Variants in LARS2 observed in about 807,000 individuals in gnomAD.
LARS2 encodes the protein leucine--tRNA ligase, mitochondrial.
LARS2 carries 81 observed loss-of-function variants against 116.6 expected under a neutral mutation model. The ratio of observed to expected loss-of-function variants is 0.69; its 90% CI spans 0.58 to 0.84. The LOEUF (loss-of-function observed/expected upper bound fraction) is 0.84, where lower values mean the gene tolerates loss of function less well. Ranked by LOEUF, LARS2 falls within the 40% of genes least tolerant of loss-of-function variation. The pLI is 0.00. For synonymous variants in LARS2, 396 were observed against 407.2 expected, an observed-to-expected ratio of 0.97 and a Z score of 0.33; for missense variants, 968 against 1,114.5, an observed-to-expected ratio of 0.87 and a Z score of 1.87.
At chr3:45,427,342 G>A (rs1698611682) in intron 6 of LARS2, among the ~76,000 whole-genome samples, 1 of 152,168 alleles carries the variant, frequency 6.6e-6, no homozygotes, top group Non-Finnish European at 1.5e-5. Flanking sequence ...CACCAAGAGG[G>A]CTTGTTAAAG....
chr3:45,544,508 G>A (rs750567931), intron 21 of LARS2, among the ~76,000 whole-genome samples: 1 of 152,164 alleles, frequency 6.6e-6, no homozygotes, highest in Non-Finnish European at 1.5e-5. Context: ...CAGAGTGAGC[G>A]CCGACCCAGG....
intron 7 of LARS2, among the ~76,000 whole-genome samples, chr3:45,449,104 G>T (rs1238614249): frequency 6.6e-6 from 1 of 151,964 alleles, no homozygotes; most frequent in Non-Finnish European, 1.5e-5. Context: ...AGGTGAGAGG[G>T]CAAGAGAGAG....
chr3:45,454,072 TGATGA>T (rs1699177869), intron 7 of LARS2, among the ~76,000 whole-genome samples: 1 of 151,760 alleles, frequency 6.6e-6, no homozygotes, highest in African/African-American at 2.4e-5. Context: ...GGAATGGTAA[TGATGA>T]GATGAGAGGC....
chr3:45,400,450 A>AAATTTCC (rs1251026201), intron 4 of LARS2, 77 bp downstream of exon 4: 17 of 1,417,452 alleles, frequency 1.2e-5, no homozygotes, highest in African/African-American at 1.4e-5. Flanking sequence ...TGTTCAAGAC[A>AAATTTCC]AATGAAGAAA....
At chr3:45,476,649 TC>T (rs1454043424) in intron 10 of LARS2, 22 bp downstream of exon 10, 3 of 1,613,226 alleles carry the variant, frequency 1.9e-6, no homozygotes, top group Non-Finnish European at 2.5e-6. Context: ...AGTTAACGGC[TC>T]AGGTGGTAGG....
At chr3:45,497,861 C>T (rs915386086) in intron 14 of LARS2, among the ~76,000 whole-genome samples, 10 of 151,418 alleles carry the variant, frequency 6.6e-5, no homozygotes, top group African/African-American at 2.2e-4. Context: ...GAGCTGAGCT[C>T]GTGCCACTGC....
chr3:45,505,713 CCTT>C (rs1250975862), intron 15 of LARS2, among the ~76,000 whole-genome samples: 1 of 151,834 alleles, frequency 6.6e-6, no homozygotes, highest in Non-Finnish European at 1.5e-5. Flanking sequence ...GGGAATAGCT[CCTT>C]CTTATGTAGG....
intron 2 of LARS2, among the ~76,000 whole-genome samples, chr3:45,392,437 G>A (rs1164264781): frequency 6.6e-6 from 1 of 151,516 alleles, no homozygotes; most frequent in East Asian, 1.9e-4. Context: ...TAGGATTACA[G>A]ATGCACGTCA....
intron 7 of LARS2, among the ~76,000 whole-genome samples, chr3:45,456,895 C>T (rs1197355525): frequency 6.6e-6 from 1 of 152,198 alleles, no homozygotes; most frequent in Non-Finnish European, 1.5e-5. Context: ...CCTCCCCTCA[C>T]CCCTACTTTT....
At chr3:45,525,861 A>G (rs1192762580) in intron 20 of LARS2, among the ~76,000 whole-genome samples, 2 of 152,232 alleles carry the variant, frequency 1.3e-5, no homozygotes, top group East Asian at 3.8e-4. Context: ...GGAAGTCCTT[A>G]ATAATAGCAT....
chr3:45,509,764 G>A (rs1700256806), intron 15 of LARS2, among the ~76,000 whole-genome samples: 1 of 151,948 alleles, frequency 6.6e-6, no homozygotes, highest in Non-Finnish European at 1.5e-5. Flanking sequence ...AAACACTTGG[G>A]AATGAGCAGG....
At chr3:45,458,925 A>T (rs1410392439) in intron 8 of LARS2, 39 bp downstream of exon 8, 1 of 1,608,304 alleles carries the variant, frequency 6.2e-7, no homozygotes, top group Non-Finnish European at 8.5e-7. Flanking sequence ...AATGCCTTAC[A>T]TGCTGGCAGG....
intron 15 of LARS2, among the ~76,000 whole-genome samples, chr3:45,510,595 T>A (rs551973682): frequency 6.6e-6 from 1 of 152,336 alleles, no homozygotes; most frequent in South Asian, 2.1e-4. Flanking sequence ...AGATGGCATT[T>A]GAGTTGAGCC....
In LARS2 at chr3:45,476,777, T is replaced by C. The variant is rs1436111139; in HGVS notation, c.1018+150T>C. ...TTTTTTATGTTTTTATTTTGAAACA[T>C]GAGGATAAAAAAGAGCTCTGAAAAT... On this transcript the variant is annotated intron_variant, in intron 10 of 21. Coordinates refer to ENST00000645846, the MANE Select transcript of LARS2 (RefSeq NM_015340.4). The C allele has an allele frequency of 1.1e-5, 8 of 755,206 alleles. No individual in the cohort carries two copies. In the African/African-American group the frequency reaches 1.4e-4, roughly 13 times the overall value. 46.8% of individuals were successfully genotyped at this position (755,206 alleles called of 1,614,324 possible).
At chr3:45,542,484 C>T (rs1231372254) in intron 21 of LARS2, among the ~76,000 whole-genome samples, 1 of 152,144 alleles carries the variant, frequency 6.6e-6, no homozygotes, top group Non-Finnish European at 1.5e-5. Context: ...TATAGTTTAT[C>T]CTATATGTGA....
chr3:45,442,671 G>T (rs371660080), intron 6 of LARS2, among the ~76,000 whole-genome samples: 2 of 152,088 alleles, frequency 1.3e-5, no homozygotes. Context: ...CTTGGTGGTC[G>T]CATCATGCAG....
intron 4 of LARS2, among the ~76,000 whole-genome samples, chr3:45,411,383 T>C (rs1218835931): frequency 2.0e-5 from 3 of 152,208 alleles, no homozygotes; most frequent in Admixed American, 6.5e-5. Flanking sequence ...ATCACATGAG[T>C]AAACAAGCTA....
At chr3:45,508,438 A>G (rs575759458) in intron 15 of LARS2, among the ~76,000 whole-genome samples, 1 of 152,260 alleles carries the variant, frequency 6.6e-6, no homozygotes, top group East Asian at 1.9e-4. Flanking sequence ...TATTTCAAGA[A>G]TGAGCCATGG....
intron 3 of LARS2, among the ~76,000 whole-genome samples, chr3:45,398,155 G>A (rs1455793978): frequency 6.6e-6 from 1 of 152,138 alleles, no homozygotes; most frequent in African/African-American, 2.4e-5. Flanking sequence ...AACACTCCTT[G>A]GTAATTTCTA....
Sources: allele counts gnomAD v4.1 joint callset (sites outside exome capture counted in the v4.1 genomes callset), GRCh38; gene constraint gnomAD v4.1.1; transcripts MANE v1.5; gene names NCBI Gene and HGNC (gene_info 2026-07-23, HGNC 2026-07-21).